The following ALK variants were observed in gnomAD, a reference collection of about 807,000 sequenced individuals.
The protein encoded by ALK is ALK receptor tyrosine kinase.
In ALK, 74 loss-of-function variants were observed where a neutral mutation model predicts 163.1. The ratio of observed to expected loss-of-function variants is 0.45; its 90% CI spans 0.38 to 0.55. The LOEUF (loss-of-function observed/expected upper bound fraction) is 0.55. Ranked by LOEUF, ALK falls within the 20% of genes least tolerant of loss-of-function variation. The pLI, the probability that ALK is intolerant of heterozygous loss-of-function variation, is 0.00. For synonymous variants in ALK, 960 were observed against 843.2 expected, an observed-to-expected ratio of 1.14 and a Z score of -2.40; for missense variants, 2,063 against 2,105.3, an observed-to-expected ratio of 0.98 and a Z score of 0.39.
intron 1 of ALK, among the ~76,000 whole-genome samples, chr2:29,868,678 C>T (rs1330342450): frequency 1.3e-5 from 2 of 152,184 alleles, no homozygotes; most frequent in Non-Finnish European, 2.9e-5. Context: ...AATTTCCTCA[C>T]TCTAACAAAT....
chr2:29,364,128 G>T (rs1194865245), intron 5 of ALK, among the ~76,000 whole-genome samples: 2 of 152,134 alleles, frequency 1.3e-5, no homozygotes, highest in East Asian at 3.8e-4. Flanking sequence ...ATCCTTCATG[G>T]TTAGAGATTA....
rs76111803 is a variant in ALK, at chr2:29,542,849, A to T, written c.953-10733T>A. 2.4e-3 allele frequency among the ~76,000 whole-genome samples: 367 copies of T among 152,312 alleles called. 2 individuals are homozygous for T. Among genetic ancestry groups the T allele is most frequent in the African/African-American group, 8.1e-3 (335 of 41,582 alleles). ...ATTTGCTGGCCTCTGTCAATCAGAA[A>T]ACACATGCCTCTTTCATCTCTAGCA... On this transcript the variant is annotated intron_variant, in intron 3 of 28. Coordinates refer to ENST00000389048, the MANE Select transcript of ALK (RefSeq NM_004304.5).
chr2:29,780,444 T>G (rs1036067573), intron 1 of ALK, among the ~76,000 whole-genome samples: 2 of 152,226 alleles, frequency 1.3e-5, no homozygotes, highest in East Asian at 3.8e-4. Flanking sequence ...CTCTAGGGTA[T>G]TTTTAGAACT....
intron 4 of ALK, among the ~76,000 whole-genome samples, chr2:29,505,806 GAA>G (rs56339658): frequency 1.5e-5 from 2 of 137,918 alleles, no homozygotes; most frequent in African/African-American, 2.8e-5. Flanking sequence ...TACACTAATT[GAA>G]AAAAAAAAAA....
At chr2:29,715,530 A>C (rs530245135) in intron 2 of ALK, among the ~76,000 whole-genome samples, 1 of 152,206 alleles carries the variant, frequency 6.6e-6, no homozygotes. Flanking sequence ...AGGCAGCTTA[A>C]TAAGCTTTCA....
chr2:29,464,510 T>C (rs72858324), intron 4 of ALK, among the ~76,000 whole-genome samples: 27,586 of 152,058 alleles, frequency 0.18, 2,726 homozygotes, highest in East Asian at 0.36. Context: ...CAGAAGCCTG[T>C]GTGTGCCTTC....
intron 3 of ALK, among the ~76,000 whole-genome samples, chr2:29,687,114 A>G (rs1250198067): frequency 6.6e-6 from 1 of 152,100 alleles, no homozygotes; most frequent in East Asian, 1.9e-4. Context: ...AATGAAAAGC[A>G]TAAGCACCCA....
At chr2:29,386,144 G>A (rs1454383488) in intron 4 of ALK, among the ~76,000 whole-genome samples, 2 of 152,274 alleles carry the variant, frequency 1.3e-5, no homozygotes, top group East Asian at 1.9e-4. Context: ...TCTGGCATGC[G>A]GTGGGTGTCT....
chr2:29,687,755 T>G (rs1678281268), intron 3 of ALK, among the ~76,000 whole-genome samples: 1 of 152,182 alleles, frequency 6.6e-6, no homozygotes, highest in South Asian at 2.1e-4. Flanking sequence ...ACTACACACA[T>G]TCTTTAACTT....
At chr2:29,536,939 T>C (rs890719202) in intron 3 of ALK, among the ~76,000 whole-genome samples, 2 of 152,254 alleles carry the variant, frequency 1.3e-5, no homozygotes, top group South Asian at 2.1e-4. Flanking sequence ...TTAGGGTATG[T>C]GGCAGAAGAA....
chr2:29,407,823 C>T (rs529838418), intron 4 of ALK, among the ~76,000 whole-genome samples: 1 of 152,310 alleles, frequency 6.6e-6, no homozygotes, highest in African/African-American at 2.4e-5. Flanking sequence ...GTCATGATGG[C>T]CTAGCTGCTC....
chr2:29,571,100 C>G (rs1674355792), intron 3 of ALK, among the ~76,000 whole-genome samples: 1 of 151,996 alleles, frequency 6.6e-6, no homozygotes, highest in Non-Finnish European at 1.5e-5. Flanking sequence ...GAGGGGGCAC[C>G]TTACCATGTG....
chr2:29,900,721 G>A (rs1323571900), intron 1 of ALK, among the ~76,000 whole-genome samples: 2 of 152,190 alleles, frequency 1.3e-5, no homozygotes, highest in Non-Finnish European at 2.9e-5. Flanking sequence ...CACTGTGAGA[G>A]ATGAAGGACT....
chr2:29,865,138 T>A (rs1462402797), intron 1 of ALK, among the ~76,000 whole-genome samples: 4 of 152,220 alleles, frequency 2.6e-5, no homozygotes, highest in Admixed American at 1.3e-4. Context: ...TTCCCAACAT[T>A]GCCATGATCT....
intron 4 of ALK, among the ~76,000 whole-genome samples, chr2:29,450,641 A>G (rs1364743028): frequency 6.6e-6 from 1 of 152,240 alleles, no homozygotes; most frequent in Non-Finnish European, 1.5e-5. Context: ...AAAATTATAA[A>G]TGGAAAAAAT....
At chr2:29,464,113 G>T (rs530090744) in intron 4 of ALK, among the ~76,000 whole-genome samples, 7 of 152,206 alleles carry the variant, frequency 4.6e-5, no homozygotes, top group Non-Finnish European at 8.8e-5. Context: ...GGGAATATTA[G>T]CAAAATTCAG....
intron 1 of ALK, among the ~76,000 whole-genome samples, chr2:29,758,386 G>T (rs760108265): frequency 1.3e-5 from 2 of 152,116 alleles, no homozygotes; most frequent in African/African-American, 4.8e-5. Flanking sequence ...ACTCACTTTA[G>T]CATTAAGGTT....
At chr2:29,320,573 T>C (rs1667000179) in intron 7 of ALK, among the ~76,000 whole-genome samples, 178 bp downstream of exon 7, 1 of 152,192 alleles carries the variant, frequency 6.6e-6, no homozygotes, top group South Asian at 2.1e-4. Flanking sequence ...CTTGGCCAGA[T>C]TTAATCACTC....
chr2:29,201,981 C>T (rs1669192393), intron 26 of ALK, among the ~76,000 whole-genome samples: 1 of 152,044 alleles, frequency 6.6e-6, no homozygotes, highest in East Asian at 1.9e-4. Context: ...TATCACACTC[C>T]TGCTTACAAC....
Sources: gnomAD v4.1 joint callset for allele counts (sites outside exome capture counted in the v4.1 genomes callset) on GRCh38, gnomAD v4.1.1 for gene constraint, MANE v1.5 for transcripts, NCBI Gene and HGNC (gene_info 2026-07-23, HGNC 2026-07-21) for gene names.